Variants in SLC36A4 observed in about 807,000 individuals in gnomAD.
The protein encoded by SLC36A4 is neutral amino acid uniporter 4.
SLC36A4 carries 49 observed loss-of-function variants against 50.5 expected under a neutral mutation model. That is an observed-to-expected ratio of 0.97 (90% confidence interval 0.77 to 1.23). The LOEUF is 1.23. SLC36A4 is among the 50% of genes most tolerant of loss of function. SLC36A4 has a pLI of 0.00. For missense variants in SLC36A4, 611 were observed against 608.4 expected, an observed-to-expected ratio of 1.00 and a Z score of -0.05; for synonymous variants, 207 against 206.5, an observed-to-expected ratio of 1.00 and a Z score of -0.02.
At chr11:93,156,766 G>A (rs896835014) in intron 9 of SLC36A4, among the ~76,000 whole-genome samples, 4 of 152,080 alleles carry the variant, frequency 2.6e-5, no homozygotes, top group Non-Finnish European at 5.9e-5. Flanking sequence ...TTTGTTCAAT[G>A]CATAGTTTGC....
chr11:93,148,797 C>G lies in SLC36A4; in HGVS notation c.1255G>C (p.Val419Leu), dbSNP rs138573173. Residue 419 changes from valine (V) to leucine (L), a missense_variant, in exon 11 of 11, where the codon GTT becomes CTT. Physicochemically the swap from Val to Leu is conservative, Grantham distance 32. Coordinates refer to ENST00000326402, the MANE Select transcript of SLC36A4 (RefSeq NM_152313.4). ...AATGTGCTGCTGCTCACAGCTCCAACGAAGGAAATCACAATGTCTAAACGA... is the reference window on the plus strand; with the variant it reads ...AATGTGCTGCTGCTCACAGCTCCAAGGAAGGAAATCACAATGTCTAAACGA... The part of the protein sequence containing the change: ...IPRLDIVISF[V>L]GAVSSSTLAL... 2 of 1,612,646 alleles carry G rather than the reference C, an allele frequency of 1.2e-6. No homozygotes were observed. The highest frequency in any genetic ancestry group is 1.3e-5 in the African/African-American group (1 of 74,894).
At chr11:93,194,915 T>C (rs1862356736) in intron 1 of SLC36A4, among the ~76,000 whole-genome samples, 1 of 152,176 alleles carries the variant, frequency 6.6e-6, no homozygotes, top group Non-Finnish European at 1.5e-5. Flanking sequence ...CAAACTGAAC[T>C]GGTCTTCACC....
At position 93,145,701 on chromosome 11, in the gene SLC36A4, A is replaced by G. The variant is rs1859833343; in HGVS notation, c.*2836T>C. On this transcript the variant is annotated 3_prime_UTR_variant, in exon 11 of 11. Coordinates refer to ENST00000326402, the MANE Select transcript of SLC36A4 (RefSeq NM_152313.4). ...TAGTTCTTCACTGTGGTGGCCAACAAAATGCTGAAGTCATTTTAGTCACAG... is the reference window on the plus strand; with the variant it reads ...TAGTTCTTCACTGTGGTGGCCAACAGAATGCTGAAGTCATTTTAGTCACAG... 6.6e-6 allele frequency: 1 copy of G among 152,106 alleles called. No homozygotes were observed. The highest frequency in any genetic ancestry group is 6.6e-5 in the Admixed American group (1 of 15,250). The allele number at this position is 152,106 out of a possible 1,614,324, so 9.4% of individuals were successfully genotyped here.
chr11:93,186,816 T>C (rs1439488476), intron 1 of SLC36A4, among the ~76,000 whole-genome samples: 1 of 152,202 alleles, frequency 6.6e-6, no homozygotes, highest in Non-Finnish European at 1.5e-5. Flanking sequence ...GTACATCTTC[T>C]TAAAAGGTAT....
At chr11:93,181,621 T>C in intron 5 of SLC36A4, 70 bp downstream of exon 5, 1 of 1,121,600 alleles carries the variant, frequency 8.9e-7, no homozygotes, top group Non-Finnish European at 1.2e-6. Flanking sequence ...TTATATATAT[T>C]GTTAGGTTAA....
At chr11:93,191,742 A>T (rs946144126) in intron 1 of SLC36A4, among the ~76,000 whole-genome samples, 1 of 152,172 alleles carries the variant, frequency 6.6e-6, no homozygotes, top group Non-Finnish European at 1.5e-5. Flanking sequence ...GATGTCAAAG[A>T]CTATGATGGC....
intron 1 of SLC36A4, among the ~76,000 whole-genome samples, chr11:93,196,831 A>C (rs2134721830): frequency 6.6e-6 from 1 of 152,336 alleles, no homozygotes; most frequent in Middle Eastern, 3.4e-3. Context: ...TGTATCTATA[A>C]AATGGAAATC....
intron 6 of SLC36A4, among the ~76,000 whole-genome samples, chr11:93,176,775 A>C (rs1054400651): frequency 6.6e-6 from 1 of 151,858 alleles, no homozygotes; most frequent in Non-Finnish European, 1.5e-5. Flanking sequence ...TGAATATTGG[A>C]CCCCACTCTC....
chr11:93,190,318 C>T (rs10765594), intron 1 of SLC36A4, among the ~76,000 whole-genome samples: 36,126 of 151,804 alleles, frequency 0.24, 5,230 homozygotes, highest in East Asian at 0.32. Flanking sequence ...AATACGGCAA[C>T]GGTAGTTAAC....
In SLC36A4 at chr11:93,185,760, T is replaced by A. The variant is rs1861957951; in HGVS notation, c.110A>T (p.Asp37Val). Residue 37 changes from aspartate (D) to valine (V), a missense_variant, in exon 2 of 11, where the codon GAT (aspartate) becomes GTT (valine). Transcript: ENST00000326402. ...CAGAAGCTCTTGCTCATGTTCTTCA[T>A]CTGATGTCCCATCAAAATTCTGCTC... Reference protein sequence around the residue: ...INEQNFDGTSDEEHEQELLPV... With the variant: ...INEQNFDGTSVEEHEQELLPV... The A allele has an allele frequency of 6.2e-7, 1 of 1,608,662 alleles. No homozygotes were observed. Among genetic ancestry groups the A allele is most frequent in the Non-Finnish European group, 8.5e-7 (1 of 1,178,538 alleles).
chr11:93,166,081 G>T, intron 7 of SLC36A4, 65 bp from the exon 8 acceptor site: 1 of 1,353,368 alleles, frequency 7.4e-7, no homozygotes, highest in East Asian at 2.5e-5. Flanking sequence ...ATTAAAAAAT[G>T]TAAGAAAAAT....
chr11:93,171,550 T>C (rs1006325391), intron 6 of SLC36A4: 2 of 152,106 alleles, frequency 1.3e-5, no homozygotes, highest in African/African-American at 4.8e-5. Context: ...AGAGTAGTTA[T>C]AAACATTAAA....
At chr11:93,183,833 G>A (rs1285152068) in intron 3 of SLC36A4, among the ~76,000 whole-genome samples, 1 of 151,980 alleles carries the variant, frequency 6.6e-6, no homozygotes, top group Non-Finnish European at 1.5e-5. Context: ...GAGTAGCTGG[G>A]ACTACAGGCA....
chr11:93,167,326 T>C (rs1310021359), intron 7 of SLC36A4: 2 of 152,270 alleles, frequency 1.3e-5, no homozygotes, highest in African/African-American at 4.8e-5. Context: ...GCTATACAAC[T>C]GCTCAACAGC....
chr11:93,164,858 T>A (rs1013583751), intron 8 of SLC36A4, among the ~76,000 whole-genome samples: 147 of 152,284 alleles, frequency 9.7e-4, no homozygotes, highest in African/African-American at 3.3e-3. Context: ...ATCACTCCAG[T>A]GTTTCAAGCT....
intron 9 of SLC36A4, among the ~76,000 whole-genome samples, chr11:93,162,186 AT>A (rs1860647516): frequency 6.6e-6 from 1 of 152,186 alleles, no homozygotes; most frequent in African/African-American, 2.4e-5. Flanking sequence ...CTTGACTTGG[AT>A]TTGGAAAAAA....
chr11:93,194,621 C>CAGAAAAT (rs1193669302), intron 1 of SLC36A4, among the ~76,000 whole-genome samples: 1 of 152,110 alleles, frequency 6.6e-6, no homozygotes, highest in Non-Finnish European at 1.5e-5. Context: ...TGTAGAAAAT[C>CAGAAAAT]AGAAAATATA....
intron 6 of SLC36A4, among the ~76,000 whole-genome samples, chr11:93,178,878 T>C (rs1861611336): frequency 6.6e-6 from 1 of 152,180 alleles, no homozygotes; most frequent in Non-Finnish European, 1.5e-5. Context: ...ATAAAGGGCA[T>C]CCAAATTGGT....
At chr11:93,172,419 A>C (rs1218669817) in intron 6 of SLC36A4, among the ~76,000 whole-genome samples, 1 of 147,760 alleles carries the variant, frequency 6.8e-6, no homozygotes, top group Non-Finnish European at 1.5e-5. Flanking sequence ...TCTTCCCCCC[A>C]AGTCCCCAAA....
Sources: allele counts gnomAD v4.1 joint callset (sites outside exome capture counted in the v4.1 genomes callset), GRCh38; gene constraint gnomAD v4.1.1; transcripts MANE v1.5; gene names NCBI Gene and HGNC (gene_info 2026-07-23, HGNC 2026-07-21).